Variants in CDH13 observed in about 807,000 individuals in gnomAD.
CDH13 encodes the protein cadherin-13.
A neutral mutation model predicts 63.8 loss-of-function variants in CDH13; 24 were observed. The observed-to-expected ratio is 0.38, with a 90% CI of 0.27 to 0.53. The LOEUF is 0.53. Ranked by LOEUF, CDH13 falls within the 20% of genes least tolerant of loss-of-function variation. The pLI is 0.85. For synonymous variants in CDH13, 503 were observed against 355.3 expected, an observed-to-expected ratio of 1.42 and a Z score of -4.67; for missense variants, 1,049 against 903.1, an observed-to-expected ratio of 1.16 and a Z score of -2.07.
chr16:83,236,465 A>G (rs1011605673), intron 5 of CDH13, among the ~76,000 whole-genome samples: 10 of 152,228 alleles, frequency 6.6e-5, no homozygotes, highest in Non-Finnish European at 4.4e-5. Context: ...CCATTATAGA[A>G]GTTACTCTTT....
chr16:83,019,193 G>A (rs757497947), intron 2 of CDH13, among the ~76,000 whole-genome samples: 1 of 152,110 alleles, frequency 6.6e-6, no homozygotes, highest in Non-Finnish European at 1.5e-5. Flanking sequence ...ACATTGTACA[G>A]CTATAGAAAA....
At chr16:83,066,333 G>A (rs1020356764) in intron 3 of CDH13, among the ~76,000 whole-genome samples, 3 of 152,116 alleles carry the variant, frequency 2.0e-5, no homozygotes, top group Non-Finnish European at 4.4e-5. Flanking sequence ...TGAGAGAGCT[G>A]CCCTTGTTTT....
At chr16:82,926,623 C>T (rs537482961) in intron 2 of CDH13, among the ~76,000 whole-genome samples, 30 of 152,344 alleles carry the variant, frequency 2.0e-4, no homozygotes, top group African/African-American at 7.0e-4. Flanking sequence ...CAGAAGCTCA[C>T]AAGCTCTAGG....
intron 2 of CDH13, among the ~76,000 whole-genome samples, chr16:83,023,270 G>A (rs1027746323): frequency 3.3e-5 from 5 of 151,932 alleles, no homozygotes; most frequent in Admixed American, 6.6e-5. Flanking sequence ...TGTCTAATTT[G>A]CAATTTCCCC....
intron 11 of CDH13, among the ~76,000 whole-genome samples, chr16:83,777,503 C>T (rs1214462172): frequency 6.6e-6 from 1 of 152,250 alleles, no homozygotes; most frequent in Non-Finnish European, 1.5e-5. Context: ...TTTCTGCCTG[C>T]CCCTCTCAGG....
At chr16:83,550,722 A>T (rs185225306) in intron 7 of CDH13, among the ~76,000 whole-genome samples, 1 of 152,240 alleles carries the variant, frequency 6.6e-6, no homozygotes. Context: ...TCACTGTTCT[A>T]TCCTTTGTTG....
At chr16:83,742,478 G>A (rs976793577) in intron 10 of CDH13, among the ~76,000 whole-genome samples, 8 of 152,010 alleles carry the variant, frequency 5.3e-5, no homozygotes, top group Admixed American at 6.5e-5. Context: ...TAAATTGCCC[G>A]GAAATTCCAA....
At chr16:83,680,147 C>T (rs527969458) in intron 10 of CDH13, among the ~76,000 whole-genome samples, 13 of 152,312 alleles carry the variant, frequency 8.5e-5, no homozygotes, top group African/African-American at 2.9e-4. Context: ...ATCCTTCAGG[C>T]TCTAGGTCAC....
rs1354870721 is a variant in CDH13 at position 83,410,292 on chromosome 16, G to A, written c.781+65286G>A. Among the ~76,000 whole-genome samples, 6 of 152,150 alleles carry A rather than the reference G, an allele frequency of 3.9e-5. No homozygotes were observed. The East Asian group carries it at 9.6e-4, about 24-fold the overall frequency. ...AAAACCACGTTCGCCTTTGGAATGGGTATTTATTTATTGCTTTTACTCTGG... is the reference window on the plus strand; with the variant it reads ...AAAACCACGTTCGCCTTTGGAATGGATATTTATTTATTGCTTTTACTCTGG... On this transcript the variant is annotated intron_variant, in intron 6 of 13. Transcript: ENST00000567109.
At chr16:82,683,168 C>G (rs985032307) in intron 1 of CDH13, among the ~76,000 whole-genome samples, 53 of 152,110 alleles carry the variant, frequency 3.5e-4, no homozygotes, top group Non-Finnish European at 2.9e-5. Context: ...AAGATGTCGC[C>G]CTGGTGTGGT....
chr16:83,190,868 G>C (rs1323829969), intron 4 of CDH13, among the ~76,000 whole-genome samples: 2 of 152,006 alleles, frequency 1.3e-5, no homozygotes, highest in Non-Finnish European at 2.9e-5. Context: ...ATGGCTAATT[G>C]CTAAGCAATT....
chr16:83,685,227 A>T (rs1272251570), intron 10 of CDH13, among the ~76,000 whole-genome samples: 1 of 152,216 alleles, frequency 6.6e-6, no homozygotes, highest in Admixed American at 6.5e-5. Flanking sequence ...TTGACTGGGA[A>T]GCAATGTGCA....
intron 10 of CDH13, among the ~76,000 whole-genome samples, chr16:83,693,806 C>T (rs1020660663): frequency 2.0e-5 from 3 of 152,302 alleles, no homozygotes; most frequent in Admixed American, 2.0e-4. Context: ...CTAGTTTGGG[C>T]ATTGGGATTA....
intron 4 of CDH13, among the ~76,000 whole-genome samples, chr16:83,143,875 G>A (rs2036637614): frequency 6.6e-6 from 1 of 152,002 alleles, no homozygotes; most frequent in Admixed American, 6.6e-5. Context: ...CTGCTTTGAA[G>A]TTGATGTCGG....
intron 7 of CDH13, among the ~76,000 whole-genome samples, chr16:83,561,056 C>T (rs147560240): frequency 9.5e-4 from 144 of 152,212 alleles, no homozygotes; most frequent in South Asian, 8.3e-3. Context: ...CCTCTCAGAC[C>T]TTCTGTGACT....
At chr16:82,643,809 C>T (rs991386742) in intron 1 of CDH13, among the ~76,000 whole-genome samples, 1 of 151,976 alleles carries the variant, frequency 6.6e-6, no homozygotes, top group African/African-American at 2.4e-5. Context: ...GTGGTGCAAT[C>T]ATAGCTAACT....
At chr16:83,779,922 C>G (rs776572241) in intron 11 of CDH13, 46 bp from the exon 12 acceptor site, 19 of 1,293,016 alleles carry the variant, frequency 1.5e-5, no homozygotes, top group Non-Finnish European at 2.0e-5. Flanking sequence ...GTAAATTGCT[C>G]TCGCATATAC....
intron 3 of CDH13, among the ~76,000 whole-genome samples, chr16:83,082,872 A>G (rs2033347319): frequency 6.6e-6 from 1 of 152,254 alleles, no homozygotes; most frequent in Non-Finnish European, 1.5e-5. Context: ...TAACAGCAAC[A>G]GTGAATTCGC....
chr16:83,170,542 T>C (rs987617738), intron 4 of CDH13, among the ~76,000 whole-genome samples: 1 of 152,150 alleles, frequency 6.6e-6, no homozygotes, highest in Non-Finnish European at 1.5e-5. Flanking sequence ...TTTGAGATTT[T>C]CCGGACAGCT....
Sources: allele counts gnomAD v4.1 joint callset (sites outside exome capture counted in the v4.1 genomes callset), GRCh38; gene constraint gnomAD v4.1.1; transcripts MANE v1.5; gene names NCBI Gene and HGNC (gene_info 2026-07-23, HGNC 2026-07-21).